The following EYA4 variants were observed in gnomAD, a reference collection of about 807,000 sequenced individuals.
EYA4 encodes protein phosphatase EYA4.
EYA4 carries 31 observed loss-of-function variants against 87.9 expected under a neutral mutation model. The ratio of observed to expected loss-of-function variants is 0.35; its 90% CI spans 0.27 to 0.48. The LOEUF (loss-of-function observed/expected upper bound fraction) is 0.48, where lower values mean the gene tolerates loss of function less well. EYA4 is among the 20% of genes least tolerant of loss of function. EYA4 has a pLI of 0.99. For synonymous variants in EYA4, 263 were observed against 270.6 expected, an observed-to-expected ratio of 0.97 and a Z score of 0.28; for missense variants, 678 against 761.4, an observed-to-expected ratio of 0.89 and a Z score of 1.29.
At chr6:133,360,896 C>T (rs538128110) in intron 2 of EYA4, among the ~76,000 whole-genome samples, 1 of 152,280 alleles carries the variant, frequency 6.6e-6, no homozygotes, top group Admixed American at 6.5e-5. Context: ...ATAGAGAGAA[C>T]ATCATTTCTT....
rs530994493 is a variant in EYA4, at chr6:133,417,487, A to G, written c.84-29143A>G. On this transcript the variant is annotated intron_variant, in intron 3 of 19. Coordinates refer to ENST00000355286, the MANE Select transcript of EYA4 (RefSeq NM_004100.5). ...GAAAAAGAAAGAAAAGGTGAATATGACATATATTCAATATATGTCAAGATA... is the reference window on the plus strand; with the variant it reads ...GAAAAAGAAAGAAAAGGTGAATATGGCATATATTCAATATATGTCAAGATA... 2.9e-4 allele frequency among the ~76,000 whole-genome samples: 44 copies of G among 152,222 alleles called. No individual in the cohort carries two copies. In the South Asian group the frequency reaches 8.9e-3, roughly 31 times the overall value.
At chr6:133,297,470 G>A (rs896203298) in intron 2 of EYA4, among the ~76,000 whole-genome samples, 1 of 152,162 alleles carries the variant, frequency 6.6e-6, no homozygotes, top group African/African-American at 2.4e-5. Context: ...ATTGCCCTTT[G>A]CAAGATGGGG....
At chr6:133,447,321 A>G (rs966661777) in intron 4 of EYA4, among the ~76,000 whole-genome samples, 17 of 152,170 alleles carry the variant, frequency 1.1e-4, no homozygotes, top group African/African-American at 3.9e-4. Context: ...TTAGCCCATA[A>G]TTACGCCACA....
At chr6:133,254,050 A>G (rs1411903430) in intron 1 of EYA4, among the ~76,000 whole-genome samples, 6 of 152,154 alleles carry the variant, frequency 3.9e-5, no homozygotes, top group Admixed American at 3.9e-4. Context: ...AAGCTGGTTT[A>G]TTGGTTATTT....
chr6:133,525,945 G>A, intron 19 of EYA4: 3 of 984,952 alleles, frequency 3.0e-6, no homozygotes, highest in Non-Finnish European at 3.6e-6. Flanking sequence ...GTTTTGGTGA[G>A]CCAGTGGTAC....
At chr6:133,513,636 A>G (rs1799349865) in intron 16 of EYA4, among the ~76,000 whole-genome samples, 1 of 152,134 alleles carries the variant, frequency 6.6e-6, no homozygotes, top group Non-Finnish European at 1.5e-5. Context: ...ATACCCCTTC[A>G]TATATTTTAC....
At chr6:133,463,756 A>G (rs1047160651) in intron 9 of EYA4, among the ~76,000 whole-genome samples, 3 of 152,202 alleles carry the variant, frequency 2.0e-5, no homozygotes, top group African/African-American at 7.2e-5. Context: ...TCTGTACTGC[A>G]AATCACAAAT....
intron 2 of EYA4, among the ~76,000 whole-genome samples, chr6:133,370,752 T>C (rs1430922068): frequency 6.6e-6 from 1 of 152,172 alleles, no homozygotes; most frequent in Admixed American, 6.5e-5. Context: ...GTTTTGAAAT[T>C]TGTGCTGAAT....
chr6:133,529,202 C>A lies in EYA4; in HGVS notation c.*397C>A, dbSNP rs1233676868. 8.7e-7 allele frequency: 1 copy of A among 1,148,050 alleles called. No homozygotes were observed. Among genetic ancestry groups the A allele is most frequent in the African/African-American group, 1.6e-5 (1 of 62,054 alleles). 71.1% of individuals were successfully genotyped at this position (1,148,050 alleles called of 1,614,324 possible). On this transcript the variant is annotated 3_prime_UTR_variant, in exon 20 of 20. Transcript: ENST00000355286. ...ATCTTCTCAGCCCTGAGGTTTGAAT[C>A]TGACTTTAGCCTACCTAACCCAGAA...
intron 2 of EYA4, among the ~76,000 whole-genome samples, chr6:133,289,634 A>T (rs1166628109): frequency 6.6e-6 from 1 of 152,170 alleles, no homozygotes; most frequent in Non-Finnish European, 1.5e-5. Context: ...TTCCTTGGAT[A>T]TTAGCATCTC....
At chr6:133,301,739 A>G (rs571145321) in intron 2 of EYA4, among the ~76,000 whole-genome samples, 2 of 152,344 alleles carry the variant, frequency 1.3e-5, no homozygotes, top group East Asian at 3.9e-4. Context: ...TCAGAACTCA[A>G]GCTCTTATCT....
intron 3 of EYA4, among the ~76,000 whole-genome samples, chr6:133,406,031 TACC>T (rs1464536359): frequency 3.3e-5 from 5 of 151,768 alleles, no homozygotes; most frequent in Non-Finnish European, 5.9e-5. Flanking sequence ...TCTACCTACC[TACC>T]TACCTACCTA....
At chr6:133,498,839 C>T (rs1297168000) in intron 13 of EYA4, among the ~76,000 whole-genome samples, 1 of 152,178 alleles carries the variant, frequency 6.6e-6, no homozygotes, top group Non-Finnish European at 1.5e-5. Flanking sequence ...CCTATTGTCT[C>T]CCCTTTCAGA....
intron 10 of EYA4, among the ~76,000 whole-genome samples, chr6:133,467,121 G>A (rs1476779947): frequency 6.6e-6 from 1 of 152,124 alleles, no homozygotes; most frequent in African/African-American, 2.4e-5. Context: ...AGATCTTTGA[G>A]ATATGTTTGA....
intron 5 of EYA4, among the ~76,000 whole-genome samples, chr6:133,449,320 G>A (rs1378942792): frequency 1.3e-5 from 2 of 152,148 alleles, no homozygotes; most frequent in South Asian, 4.1e-4. Flanking sequence ...ATTTTCATGT[G>A]TCATGAAATA....
rs934313233 is a variant in EYA4, at chr6:133,456,710, C to T, written c.370+62C>T. The T allele has an allele frequency of 5.9e-5, 57 of 970,786 alleles. 1 individual carries two copies. In the Admixed American group the frequency reaches 8.5e-4, roughly 14 times the overall value. The allele number at this position is 970,786 out of a possible 1,614,324, so 60.1% of individuals were successfully genotyped here. A position where few individuals can be genotyped will look rare whatever the true frequency, so the allele number is the denominator to read the frequency against. On this transcript the variant is annotated intron_variant, in intron 6 of 19. Transcript: ENST00000355286. Reference sequence around the variant, plus strand: ...GGGGGTGCATCCACATCCTCCTCCTCGGGAATAAGCAACATAAGCATCCAA... The same window carrying T: ...GGGGGTGCATCCACATCCTCCTCCTTGGGAATAAGCAACATAAGCATCCAA...
At chr6:133,245,244 T>A (rs1266926399) in intron 1 of EYA4, 1 of 152,202 alleles carries the variant, frequency 6.6e-6, no homozygotes, top group Non-Finnish European at 1.5e-5. Flanking sequence ...TGTCTGGTTG[T>A]AAATATTTCA....
At chr6:133,384,788 A>G (rs371374188) in intron 3 of EYA4, among the ~76,000 whole-genome samples, 20 of 152,318 alleles carry the variant, frequency 1.3e-4, no homozygotes, top group African/African-American at 4.3e-4. Context: ...TGGAACACCA[A>G]GGAGAGAATA....
chr6:133,249,383 C>T (rs1228514673), intron 1 of EYA4, among the ~76,000 whole-genome samples: 2 of 152,144 alleles, frequency 1.3e-5, no homozygotes, highest in Admixed American at 1.3e-4. Flanking sequence ...TTGAAGCTGT[C>T]TCTAACACTC....
Sources: allele counts gnomAD v4.1 joint callset (sites outside exome capture counted in the v4.1 genomes callset), GRCh38; gene constraint gnomAD v4.1.1; transcripts MANE v1.5; gene names NCBI Gene and HGNC (gene_info 2026-07-23, HGNC 2026-07-21).